The following IGSF3 variants were observed in gnomAD, a reference collection of about 807,000 sequenced individuals.
IGSF3 encodes immunoglobulin superfamily member 3, also known as glu-Trp-Ile EWI motif-containing protein 3.
Under a neutral mutation model 114.4 loss-of-function variants are expected in IGSF3, and 23 were observed. That is an observed-to-expected ratio of 0.20 (90% confidence interval 0.14 to 0.28). IGSF3 has a LOEUF of 0.28. Ranked by LOEUF, IGSF3 falls within the 10% of genes least tolerant of loss-of-function variation. The pLI, the probability that IGSF3 is intolerant of heterozygous loss-of-function variation, is 1.00. For synonymous variants in IGSF3, 571 were observed against 645.2 expected, an observed-to-expected ratio of 0.88 and a Z score of 1.74; for missense variants, 1,172 against 1,591.5, an observed-to-expected ratio of 0.74 and a Z score of 4.48.
At chr1:116,587,120 C>T (rs912022837) in intron 8 of IGSF3, among the ~76,000 whole-genome samples, 7 of 152,106 alleles carry the variant, frequency 4.6e-5, no homozygotes, top group African/African-American at 7.2e-5. Flanking sequence ...GAATAGGCCT[C>T]CTTAGGAGAC....
chr1:116,590,422 G>A (rs12074512), intron 7 of IGSF3, among the ~76,000 whole-genome samples: 3,924 of 151,420 alleles, frequency 0.026, 164 homozygotes, highest in African/African-American at 0.09. Flanking sequence ...GGAACTAATA[G>A]TACAAGAATT....
chr1:116,631,935 A>C (rs1346964140), intron 2 of IGSF3, among the ~76,000 whole-genome samples: 1 of 152,210 alleles, frequency 6.6e-6, no homozygotes, highest in Admixed American at 6.5e-5. Context: ...CCTGGCATTC[A>C]ATCCTCCTCA....
In IGSF3 at chr1:116,589,190, C is replaced by T. The variant is rs1571124970; in HGVS notation, c.2030-86G>A. The stretch of plus-strand genomic sequence containing the variant: ...CTCCAGGCTCTGAGCCAGGTTTCCT[C>T]CAGCACAGTTCCTGGGGGATTTAAC... On this transcript the variant is annotated intron_variant, in intron 7 of 10. Coordinates refer to ENST00000369486, the MANE Select transcript of IGSF3 (RefSeq NM_001007237.3). This position sits in a 1 kb window ranked among gnomAD's most constrained non-coding sequence, Gnocchi z 5.7. The T allele has an allele frequency of 2.4e-6, 3 of 1,258,056 alleles. No homozygotes were observed. The highest frequency in any genetic ancestry group is 4.7e-5 in the East Asian group (2 of 42,892). 77.9% of individuals were successfully genotyped at this position (1,258,056 alleles called of 1,614,324 possible).
chr1:116,641,548 GA>G (rs1251070193), intron 2 of IGSF3, among the ~76,000 whole-genome samples: 1 of 78,448 alleles, frequency 1.3e-5, no homozygotes, highest in Non-Finnish European at 2.7e-5. Flanking sequence ...AAGAAAGAAA[GA>G]AAAAGAAAGA....
At position 116,657,015 on chromosome 1, in the gene IGSF3, C is replaced by T. The variant is rs558091818; in HGVS notation, c.43+9269G>A. ...TAGAAACCAGTATCTCTTCATCTTA[C>T]GTTTACATAATACTTTACCCCAATA... On this transcript the variant is annotated intron_variant, in intron 2 of 10. Transcript: ENST00000369486. The surrounding 1 kb of genome is among the most constrained non-coding windows in gnomAD (Gnocchi z 4.2). Among the ~76,000 whole-genome samples, 9 of 152,138 alleles carry T rather than the reference C, an allele frequency of 5.9e-5. No homozygotes were observed. Among genetic ancestry groups the T allele is most frequent in the Non-Finnish European group, 1.0e-4 (7 of 68,032 alleles).
At chr1:116,631,486 C>T (rs573747619) in intron 2 of IGSF3, among the ~76,000 whole-genome samples, 69 of 152,200 alleles carry the variant, frequency 4.5e-4, no homozygotes, top group South Asian at 1.0e-3. Context: ...CATGGTCCTG[C>T]GGTGATCCAG....
intron 7 of IGSF3, among the ~76,000 whole-genome samples, chr1:116,599,072 G>T (rs537663947): frequency 6.6e-6 from 1 of 152,162 alleles, no homozygotes; most frequent in Non-Finnish European, 1.5e-5. Context: ...GACAACCGGG[G>T]TTCAAATCCT....
intron 2 of IGSF3, among the ~76,000 whole-genome samples, chr1:116,623,493 C>T (rs1661480949): frequency 6.6e-6 from 1 of 151,640 alleles, no homozygotes; most frequent in African/African-American, 2.4e-5. Context: ...CGAGACCAGC[C>T]TGGCCAACAT....
At position 116,644,579 on chromosome 1, in the gene IGSF3, T is replaced by C. The variant is rs1436453345; in HGVS notation, c.43+21705A>G. On this transcript the variant is annotated intron_variant, in intron 2 of 10. Coordinates refer to ENST00000369486, the MANE Select transcript of IGSF3 (RefSeq NM_001007237.3). This position sits in a 1 kb window ranked among gnomAD's most constrained non-coding sequence, Gnocchi z 5.6. ...AACTGCACAGAATGGACTGTTCCAG[T>C]GTCCATGGGCTGCAAGTGGGTCCCA... Among the ~76,000 whole-genome samples the C allele has an allele frequency of 6.6e-6, 1 of 152,188 alleles. No homozygotes were observed. The highest frequency in any genetic ancestry group is 2.4e-5 in the African/African-American group (1 of 41,448).
intron 2 of IGSF3, among the ~76,000 whole-genome samples, chr1:116,659,987 C>G (rs58903221): frequency 4.6e-5 from 7 of 152,128 alleles, no homozygotes; most frequent in Non-Finnish European, 2.9e-5. Context: ...CCAGGGACCA[C>G]GAGAGGTCAG....
rs1165495346 is a variant in IGSF3, at chr1:116,607,878, C to T, written c.1222+64G>A. ...TCACCTTCACCACGCTATTCTCTCTCCCCCTACCTCTCCTAAATGATGCTG... is the reference window on the plus strand; with the variant it reads ...TCACCTTCACCACGCTATTCTCTCTTCCCCTACCTCTCCTAAATGATGCTG... On this transcript the variant is annotated intron_variant, in intron 5 of 10. Transcript: ENST00000369486. The surrounding 1 kb of genome is among the most constrained non-coding windows in gnomAD (Gnocchi z 6.1). 2.0e-6 allele frequency: 3 copies of T among 1,504,000 alleles called. No individual in the cohort carries two copies. Among genetic ancestry groups the T allele is most frequent in the Non-Finnish European group, 2.7e-6 (3 of 1,093,248 alleles). The allele number at this position is 1,504,000 out of a possible 1,614,324, so 93.2% of individuals were successfully genotyped here.
At chr1:116,630,089 A>G (rs1647488755) in intron 2 of IGSF3, among the ~76,000 whole-genome samples, 1 of 152,332 alleles carries the variant, frequency 6.6e-6, no homozygotes, top group East Asian at 1.9e-4. Flanking sequence ...CTAAATCCCC[A>G]CTGAAGGCAA....
At position 116,664,794 on chromosome 1, in the gene IGSF3, A is replaced by C. The variant is rs1438248240; in HGVS notation, c.43+1490T>G. ...ACTAAACTACCAGCAGGGTGTCTGC[A>C]TGCGTTGGGTGGTAGGGCACTGGCG... is the stretch of plus-strand genomic sequence containing the variant. On this transcript the variant is annotated intron_variant, in intron 2 of 10. Transcript: ENST00000369486. This position sits in a 1 kb window ranked among gnomAD's most constrained non-coding sequence, Gnocchi z 4.6. Among the ~76,000 whole-genome samples the C allele has an allele frequency of 1.3e-5, 2 of 152,214 alleles. No individual in the cohort carries two copies. Among genetic ancestry groups the C allele is most frequent in the Non-Finnish European group, 2.9e-5 (2 of 68,042 alleles).
chr1:116,661,920 C>T lies in IGSF3; in HGVS notation c.43+4364G>A, dbSNP rs182087855. On this transcript the variant is annotated intron_variant, in intron 2 of 10. Transcript: ENST00000369486. The surrounding 1 kb of genome is among the most constrained non-coding windows in gnomAD (Gnocchi z 4.0). ...AGTATCCTTACATTAAGAGGTCCTA[C>T]CCTTCACTAGCCTTTTCTTCCTTCC... is the stretch of plus-strand genomic sequence containing the variant. 7.8e-4 allele frequency among the ~76,000 whole-genome samples: 119 copies of T among 152,276 alleles called. No individual in the cohort carries two copies. Among genetic ancestry groups the T allele is most frequent in the African/African-American group, 2.6e-3 (109 of 41,570 alleles).
At position 116,577,321 on chromosome 1, in the gene IGSF3, G is replaced by A; in HGVS notation, c.3576C>T (p.Ala1192=). The change falls in exon 11 of 11, where the codon GCC becomes GCT. Residue 1192 remains alanine (A), a synonymous_variant. Transcript: ENST00000369486. The surrounding 1 kb of genome is among the most constrained non-coding windows in gnomAD (Gnocchi z 5.7). ...EPPVLSIHPG[A]ID is the part of the protein sequence containing the mutation. ...CTGGGGCATCACCCGCTTAGTCTAT[G>A]GCCCCTGGATGGATACTGAGAACAG... The A allele has an allele frequency of 6.2e-7, 1 of 1,613,886 alleles. No individual in the cohort carries two copies. The highest frequency in any genetic ancestry group is 1.1e-5 in the South Asian group (1 of 91,054).
rs969679642 is a variant in IGSF3, at chr1:116,585,384, C to T, written c.2441-332G>A. Among the ~76,000 whole-genome samples the T allele has an allele frequency of 3.3e-5, 5 of 151,930 alleles. No individual in the cohort carries two copies. The highest frequency in any genetic ancestry group is 1.3e-4 in the Admixed American group (2 of 15,260). On this transcript the variant is annotated intron_variant, in intron 8 of 10. Coordinates refer to ENST00000369486, the MANE Select transcript of IGSF3 (RefSeq NM_001007237.3). This position sits in a 1 kb window ranked among gnomAD's most constrained non-coding sequence, Gnocchi z 4.9. The stretch of plus-strand genomic sequence containing the variant: ...ACGGACCACAAAACATGTCGCTGGC[C>T]GGGGCAGGTGGCTGGGAAGGGCGGG...
intron 2 of IGSF3, among the ~76,000 whole-genome samples, chr1:116,656,662 C>T (rs1356222705): frequency 5.9e-5 from 9 of 152,112 alleles, no homozygotes; most frequent in African/African-American, 1.4e-4. Flanking sequence ...CAGTGGCTCA[C>T]GCCTGTAATC....
At chr1:116,601,344 A>G (rs1457002059) in intron 6 of IGSF3, among the ~76,000 whole-genome samples, 1 of 152,242 alleles carries the variant, frequency 6.6e-6, no homozygotes, top group African/African-American at 2.4e-5. Flanking sequence ...CATGGAAAGC[A>G]TAACACAGTG....
intron 2 of IGSF3, among the ~76,000 whole-genome samples, chr1:116,659,302 A>G (rs1485865925): frequency 6.6e-6 from 1 of 152,154 alleles, no homozygotes; most frequent in Non-Finnish European, 1.5e-5. Flanking sequence ...CACTTAACTG[A>G]GGGTTCCAGT....
Sources: gnomAD v4.1 joint callset for allele counts (sites outside exome capture counted in the v4.1 genomes callset) on GRCh38, gnomAD v4.1.1 for gene constraint, Gnocchi (gnomAD v3.1) non-coding constraint, MANE v1.5 for transcripts, NCBI Gene and HGNC (gene_info 2026-07-23, HGNC 2026-07-21) for gene names.